Variants in IRF5 observed in about 807,000 individuals in gnomAD.
IRF5 encodes the protein interferon regulatory factor 5.
In IRF5, 24 loss-of-function variants were observed where a neutral mutation model predicts 55.1. The ratio of observed to expected loss-of-function variants is 0.44; its 90% confidence interval spans 0.32 to 0.61. The LOEUF is 0.61. Ranked by LOEUF, IRF5 falls within the 20% of genes least tolerant of loss-of-function variation. IRF5 has a pLI of 0.07. For synonymous variants in IRF5, 258 were observed against 260.2 expected, an observed-to-expected ratio of 0.99 and a Z score of 0.08; for missense variants, 499 against 658.5, an observed-to-expected ratio of 0.76 and a Z score of 2.65.
At chr7:128,942,754 C>T (rs1007295265) in intron 2 of IRF5, among the ~76,000 whole-genome samples, 2 of 152,072 alleles carry the variant, frequency 1.3e-5, no homozygotes, top group African/African-American at 4.8e-5. Context: ...TCAGTGCACG[C>T]ATATGCTAAA....
At chr7:128,943,072 C>T (rs1325580139) in intron 2 of IRF5, 1 of 114,440 alleles carries the variant, frequency 8.7e-6, no homozygotes, top group Non-Finnish European at 1.6e-5. Context: ...CTCACTCTGT[C>T]ACCCAGGCTG....
intron 2 of IRF5, among the ~76,000 whole-genome samples, chr7:128,945,515 C>A (rs564073151): frequency 6.6e-6 from 1 of 152,322 alleles, no homozygotes; most frequent in Admixed American, 6.5e-5. Flanking sequence ...GCGGGGGGCA[C>A]TTCCAGATTC....
chr7:128,948,564 G>A lies in IRF5; in HGVS notation c.1300-9G>A. 1.2e-6 allele frequency: 2 copies of A among 1,613,146 alleles called. No homozygotes were observed. The highest frequency in any genetic ancestry group is 1.7e-6 in the Non-Finnish European group (2 of 1,179,976). Reference sequence around the variant, plus strand: ...GGTCTCCCTGTCTCATCTCCTCTTTGCCTCCCAGGTGGTGCCTGTAGCAGC... The same window carrying A: ...GGTCTCCCTGTCTCATCTCCTCTTTACCTCCCAGGTGGTGCCTGTAGCAGC... On this transcript the variant is annotated splice_polypyrimidine_tract_variant and intron_variant, in intron 8 of 8. Coordinates refer to ENST00000357234, the MANE Select transcript of IRF5 (RefSeq NM_001098629.3). The surrounding 1 kb of genome is among the most constrained non-coding windows in gnomAD (Gnocchi z 4.6).
Position 128,948,409 on chromosome 7 carries a change from G to C in IRF5, c.1299+81G>C. 1 of 1,463,132 alleles carries C rather than the reference G, an allele frequency of 6.8e-7. No homozygotes were observed. 90.6% of individuals were successfully genotyped at this position (1,463,132 alleles called of 1,614,324 possible). A position where few individuals can be genotyped will look rare whatever the true frequency, so the allele number is the denominator to read the frequency against. On this transcript the variant is annotated intron_variant, in intron 8 of 8. Transcript: ENST00000357234. This position sits in a 1 kb window ranked among gnomAD's most constrained non-coding sequence, Gnocchi z 4.6. ...GCTAGGCCCTTGCCCCAGGCTGGAG[G>C]CTCAGGGCTCCCTGAGCAGTGTGAA...
rs1379401062 is a variant in IRF5 at position 128,949,720 on chromosome 7, CTT to C, written c.*903_*904del. ...TGGGACCATTCAAATCTGTCACTCT[CTT>C]GTGTATATTCCTGTGCTATTAAATA... is the stretch of plus-strand genomic sequence containing the variant. On this transcript the variant is annotated 3_prime_UTR_variant, in exon 9 of 9. Coordinates refer to ENST00000357234, the MANE Select transcript of IRF5 (RefSeq NM_001098629.3). 6.6e-6 allele frequency: 1 copy of C among 152,194 alleles called. No individual in the cohort carries two copies. The highest frequency in any genetic ancestry group is 1.5e-5 in the Non-Finnish European group (1 of 68,040). 9.4% of individuals were successfully genotyped at this position (152,194 alleles called of 1,614,324 possible).
In IRF5 at chr7:128,947,093, C is replaced by T. The variant is rs1235841810; in HGVS notation, c.481+37C>T. On this transcript the variant is annotated intron_variant, in intron 5 of 8. Coordinates refer to ENST00000357234, the MANE Select transcript of IRF5 (RefSeq NM_001098629.3). The surrounding 1 kb of genome is among the most constrained non-coding windows in gnomAD (Gnocchi z 6.5). ...AGGTGGTGGTTGGGGGTCTAGTATA[C>T]AGAGAAGCTATAGGTACCATAGGTA... is the stretch of plus-strand genomic sequence containing the variant. 6.2e-7 allele frequency: 1 copy of T among 1,613,946 alleles called. No homozygotes were observed. Among genetic ancestry groups the T allele is most frequent in the Non-Finnish European group, 8.5e-7 (1 of 1,179,970 alleles).
At chr7:128,941,949 G>T in intron 1 of IRF5, 122 bp from the exon 2 acceptor site, 2 of 642,920 alleles carry the variant, frequency 3.1e-6, no homozygotes, top group Non-Finnish European at 5.2e-6. Flanking sequence ...AAAGAGAATT[G>T]GCCTTAAATA....
Position 128,948,452 on chromosome 7 carries a change from A to G in IRF5, c.1300-121A>G. ...AGTGTGAACTTGGCGGCCAGAGACC[A>G]TCAAGGCTCAGAGCCGGAGAATGCG... On this transcript the variant is annotated intron_variant, in intron 8 of 8. Transcript: ENST00000357234. This position sits in a 1 kb window ranked among gnomAD's most constrained non-coding sequence, Gnocchi z 4.6. 2.0e-6 allele frequency: 3 copies of G among 1,489,828 alleles called. No homozygotes were observed. Among genetic ancestry groups the G allele is most frequent in the Middle Eastern group, 1.8e-4 (1 of 5,620 alleles). The allele number at this position is 1,489,828 out of a possible 1,614,324, so 92.3% of individuals were successfully genotyped here. A position where few individuals can be genotyped will look rare whatever the true frequency, so the allele number is the denominator to read the frequency against.
intron 2 of IRF5, among the ~76,000 whole-genome samples, chr7:128,942,583 G>T (rs1054542517): frequency 2.6e-5 from 4 of 151,924 alleles, no homozygotes; most frequent in Non-Finnish European, 4.4e-5. Flanking sequence ...CTCCTGAGTA[G>T]CTGGGATTAC....
Position 128,937,994 on chromosome 7 carries a change from G to C in IRF5, c.-67G>C, listed in dbSNP as rs1207512324. On this transcript the variant is annotated 5_prime_UTR_variant, in exon 1 of 9. Coordinates refer to ENST00000357234, the MANE Select transcript of IRF5 (RefSeq NM_001098629.3). Reference sequence around the variant, plus strand: ...CGCAGCCTGGGCAGAGCTCAGCTTGGTCCCGCCGCCCGGCCGGTGCTCCCT... The same window carrying C: ...CGCAGCCTGGGCAGAGCTCAGCTTGCTCCCGCCGCCCGGCCGGTGCTCCCT... 6.6e-6 allele frequency: 1 copy of C among 152,128 alleles called. No homozygotes were observed. Among genetic ancestry groups the C allele is most frequent in the Non-Finnish European group, 1.5e-5 (1 of 68,018 alleles). The allele number at this position is 152,128 out of a possible 1,614,324, so 9.4% of individuals were successfully genotyped here.
intron 1 of IRF5, chr7:128,940,084 C>T (rs748412350): frequency 2.0e-5 from 3 of 152,368 alleles, no homozygotes; most frequent in Non-Finnish European, 4.4e-5. Context: ...TGGACAGACT[C>T]TCGCTCATCA....
chr7:128,942,408 GC>G (rs1284638521), intron 2 of IRF5, 132 bp downstream of exon 2: 11 of 719,370 alleles, frequency 1.5e-5, no homozygotes, highest in Non-Finnish European at 2.5e-5. Flanking sequence ...CTGATGCCGG[GC>G]CCGGACTAAG....
chr7:128,948,006 G>A lies in IRF5; in HGVS notation c.1065G>A (p.Leu355=). The A allele has an allele frequency of 1.9e-6, 3 of 1,614,180 alleles. No individual in the cohort carries two copies. Among genetic ancestry groups the A allele is most frequent in the Non-Finnish European group, 2.5e-6 (3 of 1,180,022 alleles). The change falls in exon 7 of 9, where the codon CTG becomes CTA. Residue 355 remains leucine, a synonymous_variant. Coordinates refer to ENST00000357234, the MANE Select transcript of IRF5 (RefSeq NM_001098629.3). The surrounding 1 kb of genome is among the most constrained non-coding windows in gnomAD (Gnocchi z 4.6). Reference sequence around the variant, plus strand: ...GCCAGGACCTTTATGCCATCCGCCTGTGTCAGTGCAAGGTGTTCTGGAGCG... The same window carrying A: ...GCCAGGACCTTTATGCCATCCGCCTATGTCAGTGCAAGGTGTTCTGGAGCG... The part of the protein sequence containing the change: ...LQGQDLYAIR[L]CQCKVFWSGP...
chr7:128,946,054 G>C lies in IRF5; in HGVS notation c.385+20G>C, dbSNP rs759773700. On this transcript the variant is annotated intron_variant, in intron 3 of 8. Transcript: ENST00000357234. The surrounding 1 kb of genome is among the most constrained non-coding windows in gnomAD (Gnocchi z 4.2). The stretch of plus-strand genomic sequence containing the variant: ...CCACAGGTATCAGGCCTAGCCCTCT[G>C]TGGGCCACCTGGGAGGCTGTGCAAT... 1 of 1,562,152 alleles carries C rather than the reference G, an allele frequency of 6.4e-7. No individual in the cohort carries two copies. Among genetic ancestry groups the C allele is most frequent in the Non-Finnish European group, 8.6e-7 (1 of 1,157,362 alleles).
chr7:128,942,604 C>T (rs79288514), intron 2 of IRF5, among the ~76,000 whole-genome samples: 14,931 of 152,072 alleles, frequency 0.098, 783 homozygotes, highest in Non-Finnish European at 0.12. Flanking sequence ...AGGCATGAGC[C>T]ACCACGCCTG....
intron 1 of IRF5, among the ~76,000 whole-genome samples, chr7:128,941,119 G>C (rs946543135): frequency 6.6e-6 from 1 of 152,240 alleles, no homozygotes; most frequent in East Asian, 1.9e-4. Context: ...ACTGTGGAGA[G>C]TTTCCGGTTC....
At chr7:128,944,759 G>A (rs1319058712) in intron 2 of IRF5, among the ~76,000 whole-genome samples, 1 of 152,168 alleles carries the variant, frequency 6.6e-6, no homozygotes, top group African/African-American at 2.4e-5. Flanking sequence ...ATTGCTACAT[G>A]TCAGCTTATA....
Position 128,942,047 on chromosome 7 carries a change from C to G in IRF5, c.-11-24C>G, listed in dbSNP as rs747373111. 7.1e-6 allele frequency: 11 copies of G among 1,559,486 alleles called. No homozygotes were observed. In the African/African-American group the frequency reaches 1.4e-4, roughly 19 times the overall value. ...CCATCCACCTGCAGACCTGCTGAGGCTCCCCTCTGGCTTTCTCCTGCAGAC... is the reference window on the plus strand; with the variant it reads ...CCATCCACCTGCAGACCTGCTGAGGGTCCCCTCTGGCTTTCTCCTGCAGAC... On this transcript the variant is annotated intron_variant, in intron 1 of 8. Transcript: ENST00000357234.
chr7:128,947,644 G>T lies in IRF5; in HGVS notation c.788-85G>T. ...CCTTGGGTGGGAAAAGTGGGAGGGC[G>T]GATGGGGCTGGGCCTGGCCACTGGG... On this transcript the variant is annotated intron_variant, in intron 6 of 8. Coordinates refer to ENST00000357234, the MANE Select transcript of IRF5 (RefSeq NM_001098629.3). This position sits in a 1 kb window ranked among gnomAD's most constrained non-coding sequence, Gnocchi z 6.5. 1.3e-6 allele frequency: 2 copies of T among 1,503,176 alleles called. No homozygotes were observed. Among genetic ancestry groups the T allele is most frequent in the Non-Finnish European group, 1.8e-6 (2 of 1,131,372 alleles). The allele number at this position is 1,503,176 out of a possible 1,614,324, so 93.1% of individuals were successfully genotyped here.
Sources: gnomAD v4.1 joint callset for allele counts (sites outside exome capture counted in the v4.1 genomes callset) on GRCh38, gnomAD v4.1.1 for gene constraint, Gnocchi (gnomAD v3.1) non-coding constraint, MANE v1.5 for transcripts, NCBI Gene and HGNC (gene_info 2026-07-23, HGNC 2026-07-21) for gene names.